Variants in ELP4 observed in about 807,000 individuals in gnomAD.
The protein encoded by ELP4 is elongator complex protein 4.
A neutral mutation model predicts 48.9 loss-of-function variants in ELP4; 51 were observed. The observed-to-expected ratio is 1.04, with a 90% CI of 0.83 to 1.32. The LOEUF is 1.32. ELP4 is among the 40% of genes most tolerant of loss of function. The pLI is 0.00. For missense variants in ELP4, 519 were observed against 514.6 expected, an observed-to-expected ratio of 1.01 and a Z score of -0.08; for synonymous variants, 210 against 189.2, an observed-to-expected ratio of 1.11 and a Z score of -0.90.
At chr11:31,713,839 C>G (rs1946789271) in intron 9 of ELP4, among the ~76,000 whole-genome samples, 1 of 152,148 alleles carries the variant, frequency 6.6e-6, no homozygotes, top group South Asian at 2.1e-4. Context: ...ACCTTCTTCT[C>G]TCCTCAAGGG....
intron 8 of ELP4, 155 bp downstream of exon 8, chr11:31,648,004 G>T: frequency 1.9e-6 from 1 of 536,888 alleles, no homozygotes. Context: ...TTCCATGGCA[G>T]CTTATTACCC....
intron 4 of ELP4, among the ~76,000 whole-genome samples, chr11:31,596,893 A>T (rs1456927425): frequency 6.6e-6 from 1 of 152,168 alleles, no homozygotes; most frequent in Non-Finnish European, 1.5e-5. Context: ...AAACATACAA[A>T]ACATATGCCC....
intron 9 of ELP4, among the ~76,000 whole-genome samples, chr11:31,671,215 C>T (rs575484476): frequency 5.3e-5 from 8 of 152,030 alleles, no homozygotes; most frequent in South Asian, 4.2e-4. Flanking sequence ...CACATTTATA[C>T]GTTGAATCAC....
chr11:31,668,556 G>A (rs1210177131), intron 9 of ELP4, among the ~76,000 whole-genome samples: 1 of 151,224 alleles, frequency 6.6e-6, no homozygotes, highest in Non-Finnish European at 1.5e-5. Context: ...AAACTCCTGG[G>A]CTCAAGCAAT....
At chr11:31,626,923 A>G (rs1404986475) in intron 5 of ELP4, among the ~76,000 whole-genome samples, 187 bp from the exon 6 acceptor site, 1 of 151,852 alleles carries the variant, frequency 6.6e-6, no homozygotes, top group Non-Finnish European at 1.5e-5. Context: ...AGTTATAATA[A>G]GGCATTGTAA....
chr11:31,683,532 A>G (rs187617790), intron 9 of ELP4, among the ~76,000 whole-genome samples: 63 of 152,314 alleles, frequency 4.1e-4, no homozygotes, highest in African/African-American at 1.3e-3. Context: ...TGAAACACCA[A>G]TGAAATTTTC....
chr11:31,783,608 C>A lies in ELP4; in HGVS notation c.*84C>A. On this transcript the variant is annotated 3_prime_UTR_variant, in exon 10 of 10. Coordinates refer to ENST00000640961, the MANE Select transcript of ELP4 (RefSeq NM_019040.5). ...TAGCTTATGTAAATATTTTTCTTAA[C>A]AATTTGACCCTCCACTCCTTGAAAA... 7.6e-7 allele frequency: 1 copy of A among 1,315,490 alleles called. No homozygotes were observed. The highest frequency in any genetic ancestry group is 1.0e-6 in the Non-Finnish European group (1 of 967,856). The allele number at this position is 1,315,490 out of a possible 1,614,324, so 81.5% of individuals were successfully genotyped here.
chr11:31,539,584 T>G, intron 2 of ELP4, 78 bp from the exon 3 acceptor site: 2 of 1,413,258 alleles, frequency 1.4e-6, no homozygotes, highest in Non-Finnish European at 1.9e-6. Context: ...TAAAAACATA[T>G]GAGTGTGCTT....
chr11:31,601,560 G>T (rs1215055578), intron 4 of ELP4, among the ~76,000 whole-genome samples: 1 of 152,064 alleles, frequency 6.6e-6, no homozygotes, highest in Non-Finnish European at 1.5e-5. Flanking sequence ...CCAAATCTGA[G>T]ATTTCTATCA....
chr11:31,574,993 A>G (rs1957250048), intron 3 of ELP4, among the ~76,000 whole-genome samples: 1 of 152,244 alleles, frequency 6.6e-6, no homozygotes, highest in Non-Finnish European at 1.5e-5. Context: ...AACTTCTCCA[A>G]GCTAAAGAAG....
At chr11:31,719,170 A>G (rs542510816) in intron 9 of ELP4, among the ~76,000 whole-genome samples, 14 of 151,878 alleles carry the variant, frequency 9.2e-5, no homozygotes, top group Admixed American at 8.5e-4. Context: ...TGAGGGGAGG[A>G]TCTCTTGAGC....
At chr11:31,719,403 C>A in intron 9 of ELP4, 2 of 397,064 alleles carry the variant, frequency 5.0e-6, no homozygotes, top group Non-Finnish European at 8.9e-6. Context: ...GTCTTAATGG[C>A]TCAGATTTGA....
intron 3 of ELP4, among the ~76,000 whole-genome samples, chr11:31,583,865 C>G (rs1328545032): frequency 6.6e-6 from 1 of 152,184 alleles, no homozygotes; most frequent in Non-Finnish European, 1.5e-5. Flanking sequence ...AAGCTATTAA[C>G]TACTTTCGAC....
intron 9 of ELP4, among the ~76,000 whole-genome samples, chr11:31,694,175 C>T (rs1324324751): frequency 2.6e-5 from 4 of 152,138 alleles, no homozygotes; most frequent in African/African-American, 9.7e-5. Context: ...AATTAGATCC[C>T]ATTTGTCAAT....
At chr11:31,563,665 T>C (rs1215817803) in intron 3 of ELP4, among the ~76,000 whole-genome samples, 1 of 152,204 alleles carries the variant, frequency 6.6e-6, no homozygotes, top group African/African-American at 2.4e-5. Flanking sequence ...TTTTCTAATC[T>C]GTTTCATTTG....
At chr11:31,578,966 G>A (rs185870192) in intron 3 of ELP4, among the ~76,000 whole-genome samples, 2 of 152,302 alleles carry the variant, frequency 1.3e-5, no homozygotes, top group African/African-American at 4.8e-5. Flanking sequence ...AAGAGCTTCT[G>A]CACAGCAAAA....
intron 3 of ELP4, among the ~76,000 whole-genome samples, chr11:31,594,475 G>A (rs768512992): frequency 4.6e-5 from 7 of 152,080 alleles, no homozygotes; most frequent in South Asian, 2.1e-4. Flanking sequence ...AAGCAGATAC[G>A]TTTTGAGAAT....
chr11:31,775,505 G>T (rs1948225997), intron 9 of ELP4, among the ~76,000 whole-genome samples: 1 of 152,174 alleles, frequency 6.6e-6, no homozygotes, highest in Non-Finnish European at 1.5e-5. Context: ...TTTGGACAGG[G>T]AATTCTGAGG....
intron 3 of ELP4, among the ~76,000 whole-genome samples, chr11:31,548,449 A>G (rs918829778): frequency 6.6e-6 from 1 of 152,082 alleles, no homozygotes; most frequent in East Asian, 1.9e-4. Context: ...GACCTCTTCA[A>G]GGAGAACTAC....
Sources: allele counts gnomAD v4.1 joint callset (sites outside exome capture counted in the v4.1 genomes callset), GRCh38; gene constraint gnomAD v4.1.1; transcripts MANE v1.5; gene names NCBI Gene and HGNC (gene_info 2026-07-23, HGNC 2026-07-21).